Variants in ADORA2A observed in about 807,000 individuals in gnomAD.
ADORA2A encodes the protein adenosine receptor A2a.
In ADORA2A, 11 loss-of-function variants were observed where a neutral mutation model predicts 18.4. The ratio of observed to expected loss-of-function variants is 0.60; its 90% CI spans 0.38 to 0.99. The LOEUF is 0.99. ADORA2A is among the 50% of genes least tolerant of loss of function. The pLI is 0.01. For synonymous variants in ADORA2A, 218 were observed against 237.3 expected (o/e 0.92, Z 0.75); for missense variants, 449 against 556.1 (o/e 0.81, Z 1.94).
rs1415064088 is a variant in ADORA2A, at chr22:24,431,334, C to CGT, written c.-274-1797_-274-1796insGT. The CGT allele has an allele frequency of 8.8e-6, 4 of 456,688 alleles. No homozygotes were observed. In the Admixed American group the frequency reaches 9.4e-5, roughly 11 times the overall value. 28.3% of individuals were successfully genotyped at this position (456,688 alleles called of 1,614,324 possible). A position where few individuals can be genotyped will look rare whatever the true frequency, so the allele number is the denominator to read the frequency against. On this transcript the variant is annotated intron_variant, in intron 1 of 2. Transcript: ENST00000337539. ...CTCCTAGTAGGGGCAAAAGGGCCTG[C>CGT]TGGGTGCAGGAGAACCTCCAGTCCC...
In ADORA2A at chr22:24,441,345, G is replaced by A; in HGVS notation, c.1095G>A (p.Leu365=). Residue 365 remains leucine (L), a synonymous_variant, in exon 3 of 3, where the codon CTG becomes CTA. Coordinates refer to ENST00000337539, the MANE Select transcript of ADORA2A (RefSeq NM_000675.6). ...GGCCCAATGGCTATGCCCTGGGGCT[G>A]GTGAGTGGAGGGAGTGCCCAAGAGT... ...ERRPNGYALG[L]VSGGSAQESQ... 6.3e-7 allele frequency: 1 copy of A among 1,593,940 alleles called. No individual in the cohort carries two copies. The highest frequency in any genetic ancestry group is 1.7e-5 in the Admixed American group (1 of 58,160).
intron 1 of ADORA2A, among the ~76,000 whole-genome samples, chr22:24,428,368 C>G (rs2042951572): frequency 6.6e-6 from 1 of 152,240 alleles, no homozygotes; most frequent in African/African-American, 2.4e-5. Flanking sequence ...GGGAGAATTC[C>G]TCAGTACTAG....
rs531989565 is a variant in ADORA2A at position 24,436,077 on chromosome 22, AC to A, written c.332+2342del. Among the ~76,000 whole-genome samples, 268 of 152,326 alleles carry A rather than the reference AC, an allele frequency of 1.8e-3. 1 individual carries two copies. Among genetic ancestry groups the A allele is most frequent in the Admixed American group, 3.4e-3 (52 of 15,296 alleles). On this transcript the variant is annotated intron_variant, in intron 2 of 2. Coordinates refer to ENST00000337539, the MANE Select transcript of ADORA2A (RefSeq NM_000675.6). ...GGGAGGCCAGAGCAGGGAAGGACAT[AC>A]GAGTGTCTCCTGATGTGGATGGACT...
intron 1 of ADORA2A, among the ~76,000 whole-genome samples, chr22:24,431,948 T>A (rs1238811248): frequency 1.3e-5 from 2 of 152,182 alleles, no homozygotes; most frequent in Non-Finnish European, 2.9e-5. Flanking sequence ...CTAGAGGTCA[T>A]TTGGGGTCCA....
At chr22:24,433,007 T>G in intron 1 of ADORA2A, 124 bp from the exon 2 acceptor site, 5 of 247,896 alleles carry the variant, frequency 2.0e-5, no homozygotes, top group Non-Finnish European at 3.2e-5. Context: ...ACCTGGCCTG[T>G]GGGTAGGGTG....
Position 24,441,346 on chromosome 22 carries a change from G to C in ADORA2A, c.1096G>C (p.Val366Leu). The C allele has an allele frequency of 6.3e-7, 1 of 1,594,430 alleles. No homozygotes were observed. ...RRPNGYALGL[V>L]SGGSAQESQG... ...GCCCAATGGCTATGCCCTGGGGCTG[G>C]TGAGTGGAGGGAGTGCCCAAGAGTC... The change falls in exon 3 of 3, where the codon GTG (valine) becomes CTG (leucine). Residue 366 changes from valine (V) to leucine (L), a missense_variant. Physicochemically the swap from Val to Leu is conservative, Grantham distance 32. Transcript: ENST00000337539.
At chr22:24,431,254 T>C (rs1293839916) in intron 1 of ADORA2A, 3 of 456,734 alleles carry the variant, frequency 6.6e-6, no homozygotes, top group Admixed American at 2.3e-5. Flanking sequence ...GCAGGGTTTC[T>C]GGCTCTGCTC....
chr22:24,441,422 A>G lies in ADORA2A; in HGVS notation c.1172A>G (p.Lys391Arg). ...GTGGAGCTCCTTAGCCATGAGCTCA[A>G]GGGAGTGTGCCCAGAGCCCCCTGGC... The part of the protein sequence containing the change: ...PDVELLSHEL[K>R]GVCPEPPGLD... The change falls in exon 3 of 3, where the codon AAG becomes AGG. Residue 391 changes from lysine to arginine, a missense_variant. Transcript: ENST00000337539. The G allele has an allele frequency of 6.5e-7, 1 of 1,537,842 alleles. No homozygotes were observed. The highest frequency in any genetic ancestry group is 1.3e-5 in the South Asian group (1 of 77,640).
intron 2 of ADORA2A, among the ~76,000 whole-genome samples, chr22:24,434,432 C>A (rs75727533): frequency 0.019 from 2,903 of 152,314 alleles, 38 homozygotes; most frequent in African/African-American, 0.03. Context: ...GTGACTTCAG[C>A]CAAGTAATTG....
At chr22:24,438,801 A>C (rs564917271) in intron 2 of ADORA2A, 1 of 152,234 alleles carries the variant, frequency 6.6e-6, no homozygotes, top group South Asian at 2.1e-4. Context: ...ATCGGAAGCC[A>C]CCAGGGTTTC....
At chr22:24,440,514 G>A in intron 2 of ADORA2A, 69 bp from the exon 3 acceptor site, 1 of 1,452,422 alleles carries the variant, frequency 6.9e-7, no homozygotes, top group South Asian at 1.4e-5. Context: ...TGCTGCTCTG[G>A]GGTTCTGAAC....
At chr22:24,439,107 C>T (rs1177279707) in intron 2 of ADORA2A, among the ~76,000 whole-genome samples, 1 of 41,280 alleles carries the variant, frequency 2.4e-5, no homozygotes, top group African/African-American at 5.6e-5. Flanking sequence ...TTTTTGGAGA[C>T]TGAGTCTTGC....
upstream of ADORA2A, among the ~76,000 whole-genome samples, chr22:24,426,515 G>A (rs2042920410): frequency 6.6e-6 from 1 of 152,212 alleles, no homozygotes. Context: ...GTCCTAGGAG[G>A]TGGGTGGTCC....
chr22:24,433,328 G>A lies in ADORA2A; in HGVS notation c.-77G>A, dbSNP rs8192445. The stretch of plus-strand genomic sequence containing the variant: ...GCCTGGGCCGGGCTGGGAGCCAGGC[G>A]GGCGGCTGGGCTGCAGCAATGGACC... On this transcript the variant is annotated 5_prime_UTR_variant, in exon 2 of 3. Transcript: ENST00000337539. 130 of 1,408,698 alleles carry A rather than the reference G, an allele frequency of 9.2e-5. No individual in the cohort carries two copies. Among genetic ancestry groups the A allele is most frequent in the East Asian group, 6.2e-4 (25 of 40,116 alleles). 87.3% of individuals were successfully genotyped at this position (1,408,698 alleles called of 1,614,324 possible). A position where few individuals can be genotyped will look rare whatever the true frequency, so the allele number is the denominator to read the frequency against.
chr22:24,441,216 G>C lies in ADORA2A; in HGVS notation c.966G>C (p.Arg322=). 6.2e-7 allele frequency: 1 copy of C among 1,613,998 alleles called. No homozygotes were observed. The highest frequency in any genetic ancestry group is 1.1e-5 in the South Asian group (1 of 91,082). ...TCAAGGCAGCTGGCACCAGTGCCCG[G>C]GTCTTGGCAGCTCATGGCAGTGACG... ...EPFKAAGTSA[R]VLAAHGSDGE... is the part of the protein sequence containing the mutation. The change falls in exon 3 of 3, where the codon CGG becomes CGC. Residue 322 remains arginine (R), a synonymous_variant. Coordinates refer to ENST00000337539, the MANE Select transcript of ADORA2A (RefSeq NM_000675.6).
At chr22:24,426,165 A>G (rs1198696764), upstream of ADORA2A, among the ~76,000 whole-genome samples, 4 of 152,192 alleles carry the variant, frequency 2.6e-5, no homozygotes, top group South Asian at 2.1e-4. Flanking sequence ...GGTGGCTCTC[A>G]GCTGTGTCCT....
At chr22:24,431,062 G>A (rs1254534889) in intron 1 of ADORA2A, 1 of 447,462 alleles carries the variant, frequency 2.2e-6, no homozygotes, top group Non-Finnish European at 4.5e-6. Flanking sequence ...CAGGGAGAGA[G>A]GCCAAGAGCA....
Position 24,441,454 on chromosome 22 carries a change from G to A in ADORA2A, c.1204G>A (p.Asp402Asn), listed in dbSNP as rs200558544. 6.6e-6 allele frequency: 10 copies of A among 1,519,522 alleles called. No homozygotes were observed. The Admixed American group carries it at 9.0e-5, about 14-fold the overall frequency. 94.1% of individuals were successfully genotyped at this position (1,519,522 alleles called of 1,614,324 possible). A position where few individuals can be genotyped will look rare whatever the true frequency, so the allele number is the denominator to read the frequency against. ...GVCPEPPGLD[D>N]PLAQDGAGVS ...GTGCCCAGAGCCCCCTGGCCTAGATGACCCCCTGGCCCAGGATGGAGCAGG... is the reference window on the plus strand; with the variant it reads ...GTGCCCAGAGCCCCCTGGCCTAGATAACCCCCTGGCCCAGGATGGAGCAGG... Residue 402 changes from aspartate to asparagine, a missense_variant, in exon 3 of 3, where the codon GAC (aspartate) becomes AAC (asparagine). Physicochemically the swap from Asp to Asn is conservative, Grantham distance 23. Coordinates refer to ENST00000337539, the MANE Select transcript of ADORA2A (RefSeq NM_000675.6).
chr22:24,431,559 T>C (rs1460573423), intron 1 of ADORA2A: 1 of 452,010 alleles, frequency 2.2e-6, no homozygotes, highest in Non-Finnish European at 4.5e-6. Flanking sequence ...CCATCCCTCA[T>C]GTCCTGGAAG....
Sources: gnomAD v4.1 joint callset for allele counts (sites outside exome capture counted in the v4.1 genomes callset) on GRCh38, gnomAD v4.1.1 for gene constraint, MANE v1.5 for transcripts, NCBI Gene and HGNC (gene_info 2026-07-23, HGNC 2026-07-21) for gene names.